The following GNG12 variants were observed in gnomAD, a reference collection of about 807,000 sequenced individuals.
GNG12 encodes G protein subunit gamma 12.
For synonymous variants in GNG12, 28 were observed against 29.7 expected, an observed-to-expected ratio of 0.94 and a Z score of 0.19; for missense variants, 69 against 83.8, an observed-to-expected ratio of 0.82 and a Z score of 0.69.
chr1:67,705,953 C>T (rs986459522), intron 3 of GNG12, among the ~76,000 whole-genome samples: 4 of 152,162 alleles, frequency 2.6e-5, no homozygotes, highest in African/African-American at 9.7e-5. Context: ...AATAAGTGGC[C>T]TGGATTCTTC....
chr1:67,791,178 T>TA (rs1344889026), intron 1 of GNG12, among the ~76,000 whole-genome samples: 2 of 69,266 alleles, frequency 2.9e-5, no homozygotes, highest in Non-Finnish European at 6.2e-5. Context: ...CAATTGTGGA[T>TA]ATGATGATGT....
chr1:67,792,154 T>G (rs1490632221), intron 1 of GNG12, among the ~76,000 whole-genome samples: 1 of 152,174 alleles, frequency 6.6e-6, no homozygotes, highest in Non-Finnish European at 1.5e-5. Context: ...TCCCCCTTCC[T>G]GGCACTCTAT....
At chr1:67,711,034 C>T (rs1449406461) in intron 2 of GNG12, among the ~76,000 whole-genome samples, 1 of 152,176 alleles carries the variant, frequency 6.6e-6, no homozygotes, top group African/African-American at 2.4e-5. Context: ...CCCTCTCAGG[C>T]TCCTAACTCA....
At position 67,753,401 on chromosome 1, in the gene GNG12, C is replaced by T. The variant is rs12079005; in HGVS notation, c.-27+24057G>A. On this transcript the variant is annotated intron_variant, in intron 2 of 3. Transcript: ENST00000370982. ...GAAACACTTCTGGATCCAAGCATTT[C>T]AGATAAGCGATTCTCAATCTGTACT... Among the ~76,000 whole-genome samples the T allele has an allele frequency of 2.9e-3, 439 of 151,512 alleles. 4 individuals carry two copies. Among genetic ancestry groups the T allele is most frequent in the African/African-American group, 0.01 (414 of 41,378 alleles).
intron 2 of GNG12, among the ~76,000 whole-genome samples, chr1:67,734,448 G>A (rs559383560): frequency 1.4e-4 from 21 of 152,240 alleles, no homozygotes; most frequent in East Asian, 5.8e-4. Context: ...TCCTTTAGAC[G>A]CACTAATTTA....
chr1:67,783,923 C>A (rs1372685705), intron 1 of GNG12, among the ~76,000 whole-genome samples: 1 of 149,560 alleles, frequency 6.7e-6, no homozygotes, highest in Non-Finnish European at 1.5e-5. Flanking sequence ...CCTCAGGGAT[C>A]TAGAACTAGA....
rs201577214 is a variant in GNG12 at position 67,774,335 on chromosome 1, CCTTA to C, written c.-27+3119_-27+3122del. Among the ~76,000 whole-genome samples, 938 of 152,280 alleles carry C rather than the reference CCTTA, an allele frequency of 6.2e-3. 9 individuals are homozygous for C. The highest frequency in any genetic ancestry group is 0.022 in the African/African-American group (896 of 41,546). ...CTTTTCCTTCCCCACAGATTTCCTC[CCTTA>C]CTTATTTTTCTTAATTGCATTATTT... On this transcript the variant is annotated intron_variant, in intron 2 of 3. Transcript: ENST00000370982.
Position 67,786,933 on chromosome 1 carries a change from ATATG to A in GNG12, c.-76-9430_-76-9427del, listed in dbSNP as rs1271461515. Among the ~76,000 whole-genome samples, 133 of 52,114 alleles carry A rather than the reference ATATG, an allele frequency of 2.6e-3. 1 individual carries two copies. The highest frequency in any genetic ancestry group is 7.7e-3 in the African/African-American group (126 of 16,362). The allele number at this position is 52,114 out of a possible 152,430, so 34.2% of individuals were successfully genotyped here. A position where few individuals can be genotyped will look rare whatever the true frequency, so the allele number is the denominator to read the frequency against. On this transcript the variant is annotated intron_variant, in intron 1 of 3. Transcript: ENST00000370982. Reference sequence around the variant, plus strand: ...GCCTAGGTAACAGAGACTTATATATATATGTGTGTGTGTGTGTGTGTGTGTGTGT... The same window carrying A: ...GCCTAGGTAACAGAGACTTATATATATGTGTGTGTGTGTGTGTGTGTGTGT...
intron 1 of GNG12, among the ~76,000 whole-genome samples, chr1:67,820,075 C>G (rs1365952377): frequency 7.5e-6 from 1 of 132,986 alleles, no homozygotes; most frequent in Non-Finnish European, 1.6e-5. Flanking sequence ...AATCAATAAA[C>G]ATTTGCTGAA....
At chr1:67,730,293 A>C (rs1646411451) in intron 2 of GNG12, among the ~76,000 whole-genome samples, 1 of 152,366 alleles carries the variant, frequency 6.6e-6, no homozygotes, top group Non-Finnish European at 1.5e-5. Context: ...TGAGGCCAGG[A>C]GTCCGAGACC....
At chr1:67,780,328 G>T (rs1192814211) in intron 1 of GNG12, among the ~76,000 whole-genome samples, 1 of 152,150 alleles carries the variant, frequency 6.6e-6, no homozygotes, top group Non-Finnish European at 1.5e-5. Flanking sequence ...AGACAATTTG[G>T]TTCTAGACTT....
intron 2 of GNG12, among the ~76,000 whole-genome samples, chr1:67,729,492 T>TAA (rs2100697609): frequency 6.6e-6 from 1 of 152,218 alleles, no homozygotes; most frequent in African/African-American, 2.4e-5. Context: ...CAACCAGAGG[T>TAA]GATTAGCCCT....
At chr1:67,719,120 A>G (rs1463483328) in intron 2 of GNG12, among the ~76,000 whole-genome samples, 1 of 152,086 alleles carries the variant, frequency 6.6e-6, no homozygotes, top group African/African-American at 2.4e-5. Context: ...CTCTATTGCT[A>G]TACTGTCATA....
intron 2 of GNG12, among the ~76,000 whole-genome samples, chr1:67,735,911 A>G (rs1023850870): frequency 2.0e-5 from 3 of 152,254 alleles, no homozygotes; most frequent in African/African-American, 4.8e-5. Context: ...TTCTGATAAC[A>G]TAACAGATGC....
At chr1:67,801,954 G>C (rs1646868340) in intron 1 of GNG12, among the ~76,000 whole-genome samples, 1 of 150,806 alleles carries the variant, frequency 6.6e-6, no homozygotes, top group Non-Finnish European at 1.5e-5. Flanking sequence ...AAAGAAGGAA[G>C]GGGGGTGAGG....
intron 2 of GNG12, among the ~76,000 whole-genome samples, chr1:67,759,950 AC>A (rs1471399436): frequency 6.6e-6 from 1 of 152,194 alleles, no homozygotes; most frequent in Admixed American, 6.5e-5. Flanking sequence ...TGTCCACTCT[AC>A]TGTTTAAGGG....
At chr1:67,813,224 T>C (rs1646935978) in intron 1 of GNG12, among the ~76,000 whole-genome samples, 1 of 152,166 alleles carries the variant, frequency 6.6e-6, no homozygotes, top group Non-Finnish European at 1.5e-5. Context: ...CTCTAATTAT[T>C]TCAAGGGTCA....
chr1:67,719,899 T>A (rs969893604), intron 2 of GNG12, among the ~76,000 whole-genome samples: 4 of 152,350 alleles, frequency 2.6e-5, no homozygotes, highest in Admixed American at 2.6e-4. Flanking sequence ...ATGTGGAGAA[T>A]GAGGCCTCAA....
intron 2 of GNG12, among the ~76,000 whole-genome samples, chr1:67,730,470 ACTCCAGCC>A (rs1646412527): frequency 6.6e-6 from 1 of 152,028 alleles, no homozygotes; most frequent in Non-Finnish European, 1.5e-5. Flanking sequence ...ATGCCATTGC[ACTCCAGCC>A]TGGTCAACAG....
Sources: allele counts gnomAD v4.1 joint callset (sites outside exome capture counted in the v4.1 genomes callset), GRCh38; gene constraint gnomAD v4.1.1; transcripts MANE v1.5; gene names NCBI Gene and HGNC (gene_info 2026-07-23, HGNC 2026-07-21).